Variants in ZNF385B observed in about 807,000 individuals in gnomAD.
The protein encoded by ZNF385B is zinc finger protein 533.
In ZNF385B, 23 loss-of-function variants were observed where a neutral mutation model predicts 39.2. The observed-to-expected ratio is 0.59, with a 90% CI of 0.42 to 0.83. ZNF385B has a LOEUF of 0.83. Among genes scored for constraint, ZNF385B ranks in the 40% least tolerant of loss-of-function variants. The pLI is 0.00. For missense variants in ZNF385B, 552 were observed against 598.9 expected (o/e 0.92, Z 0.82); for synonymous variants, 205 against 222.6 (o/e 0.92, Z 0.70).
intron 3 of ZNF385B, among the ~76,000 whole-genome samples, chr2:179,709,592 A>G (rs559833647): frequency 6.6e-6 from 1 of 152,320 alleles, no homozygotes; most frequent in African/African-American, 2.4e-5. Context: ...CCCACAGAAG[A>G]CGTGGCCCAT....
chr2:179,489,105 A>G (rs2054927734), intron 5 of ZNF385B, among the ~76,000 whole-genome samples: 1 of 152,198 alleles, frequency 6.6e-6, no homozygotes, highest in Non-Finnish European at 1.5e-5. Context: ...CTCCATGAAA[A>G]GAGGGTATCA....
chr2:179,462,998 T>A (rs1194023926), intron 6 of ZNF385B, among the ~76,000 whole-genome samples: 2 of 152,158 alleles, frequency 1.3e-5, no homozygotes, highest in Non-Finnish European at 2.9e-5. Flanking sequence ...GGATTAGATT[T>A]GCTTAAATTA....
chr2:179,689,630 A>G lies in ZNF385B; in HGVS notation c.298+79873T>C, dbSNP rs75566093. Among the ~76,000 whole-genome samples the G allele has an allele frequency of 3.9e-3, 597 of 152,248 alleles. 1 individual carries two copies. Among genetic ancestry groups the G allele is most frequent in the South Asian group, 0.018 (87 of 4,826 alleles). On this transcript the variant is annotated intron_variant, in intron 3 of 9. Coordinates refer to ENST00000410066, the MANE Select transcript of ZNF385B (RefSeq NM_152520.6). The stretch of plus-strand genomic sequence containing the variant: ...ATGGATATTTTCCATTTGCCCTTCT[A>G]GATCGAATATTCCCCATTCCTCACC...
At chr2:179,477,564 A>G (rs1157355066) in intron 6 of ZNF385B, among the ~76,000 whole-genome samples, 1 of 152,158 alleles carries the variant, frequency 6.6e-6, no homozygotes, top group Non-Finnish European at 1.5e-5. Flanking sequence ...ATGATTCAAA[A>G]TGCATTGAAA....
intron 3 of ZNF385B, among the ~76,000 whole-genome samples, chr2:179,687,512 T>C (rs954406838): frequency 1.3e-5 from 2 of 152,196 alleles, no homozygotes; most frequent in African/African-American, 4.8e-5. Flanking sequence ...ACACTGATTT[T>C]TTCTCACCTC....
At position 179,548,935 on chromosome 2, in the gene ZNF385B, A is replaced by C. The variant is rs75641588; in HGVS notation, c.299-3966T>G. Among the ~76,000 whole-genome samples, 2 of 149,412 alleles carry C rather than the reference A, an allele frequency of 1.3e-5. 1 individual carries two copies. Among genetic ancestry groups the C allele is most frequent in the African/African-American group, 5.1e-5 (2 of 39,592 alleles). ...AACATTTTCATGACATCTAAGGGAA[A>C]CTTATCCGTTAGCAGTCACTCCCCA... On this transcript the variant is annotated intron_variant, in intron 3 of 9. Transcript: ENST00000410066.
intron 5 of ZNF385B, among the ~76,000 whole-genome samples, chr2:179,512,346 G>A (rs1398560863): frequency 6.6e-6 from 1 of 152,042 alleles, no homozygotes. Flanking sequence ...ATTCAATTTT[G>A]TATAAAGATT....
At chr2:179,523,940 G>A (rs374406983) in intron 4 of ZNF385B, among the ~76,000 whole-genome samples, 1 of 152,004 alleles carries the variant, frequency 6.6e-6, no homozygotes, top group African/African-American at 2.4e-5. Flanking sequence ...GTGCCACTGT[G>A]CCCAGCTAAG....
chr2:179,791,388 C>T (rs1705317832), intron 1 of ZNF385B, among the ~76,000 whole-genome samples: 1 of 152,128 alleles, frequency 6.6e-6, no homozygotes, highest in South Asian at 2.1e-4. Flanking sequence ...ATACTGACAT[C>T]CTCAAAATGT....
At chr2:179,525,859 T>G (rs891135293) in intron 4 of ZNF385B, among the ~76,000 whole-genome samples, 9 of 152,192 alleles carry the variant, frequency 5.9e-5, no homozygotes, top group African/African-American at 2.2e-4. Flanking sequence ...GGGTTTTGTC[T>G]TTCATATTTA....
chr2:179,750,264 C>T (rs933309467), intron 3 of ZNF385B, among the ~76,000 whole-genome samples: 1 of 152,116 alleles, frequency 6.6e-6, no homozygotes, highest in Non-Finnish European at 1.5e-5. Context: ...ATTCTCTACT[C>T]TCATTCCCAA....
chr2:179,803,299 C>T (rs1340290049), intron 1 of ZNF385B, among the ~76,000 whole-genome samples: 2 of 152,062 alleles, frequency 1.3e-5, no homozygotes, highest in Admixed American at 1.3e-4. Context: ...AACATTTCCA[C>T]AGTAATGTTT....
At chr2:179,607,908 C>CTTTT (rs71029822) in intron 3 of ZNF385B, among the ~76,000 whole-genome samples, 47 of 97,464 alleles carry the variant, frequency 4.8e-4, no homozygotes, top group Non-Finnish European at 7.2e-4. Context: ...CTCAGAAACT[C>CTTTT]TTTTTTTTTT....
chr2:179,681,325 G>C (rs1425051189), intron 3 of ZNF385B, among the ~76,000 whole-genome samples: 1 of 151,918 alleles, frequency 6.6e-6, no homozygotes, highest in East Asian at 1.9e-4. Flanking sequence ...TTCTGTTTTG[G>C]ACGCTCTTTT....
chr2:179,670,020 G>T (rs554169420), intron 3 of ZNF385B, among the ~76,000 whole-genome samples: 1 of 152,042 alleles, frequency 6.6e-6, no homozygotes, highest in Non-Finnish European at 1.5e-5. Context: ...GGCCGGGCGC[G>T]GTGGCTCACG....
intron 4 of ZNF385B, among the ~76,000 whole-genome samples, chr2:179,520,449 A>G (rs183553453): frequency 6.6e-6 from 1 of 152,300 alleles, no homozygotes; most frequent in East Asian, 1.9e-4. Flanking sequence ...ATAATAATTT[A>G]AAAAACTATG....
chr2:179,626,629 T>C (rs1690687932), intron 3 of ZNF385B, among the ~76,000 whole-genome samples: 1 of 152,154 alleles, frequency 6.6e-6, no homozygotes, highest in Non-Finnish European at 1.5e-5. Context: ...TATAATAAAC[T>C]GAAAAACATT....
chr2:179,600,646 ATTT>A (rs1688339490), intron 3 of ZNF385B, among the ~76,000 whole-genome samples: 1 of 152,186 alleles, frequency 6.6e-6, no homozygotes, highest in African/African-American at 2.4e-5. Context: ...TTAATGTAAT[ATTT>A]TATTTTTGGT....
chr2:179,462,101 A>G (rs889143718), intron 6 of ZNF385B, among the ~76,000 whole-genome samples: 5 of 152,206 alleles, frequency 3.3e-5, no homozygotes, highest in Non-Finnish European at 7.3e-5. Context: ...TGCACTAAAC[A>G]GAGGCATGCA....
Sources: gnomAD v4.1 joint callset for allele counts (sites outside exome capture counted in the v4.1 genomes callset) on GRCh38, gnomAD v4.1.1 for gene constraint, MANE v1.5 for transcripts, NCBI Gene and HGNC (gene_info 2026-07-23, HGNC 2026-07-21) for gene names.